The following STX18 variants were observed in gnomAD, a reference collection of about 807,000 sequenced individuals.
STX18 encodes syntaxin-18.
In STX18, 40 loss-of-function variants were observed where a neutral mutation model predicts 50.1. The ratio of observed to expected loss-of-function variants is 0.80; its 90% CI spans 0.62 to 1.04. The LOEUF is 1.04. STX18 is among the 50% of genes least tolerant of loss of function. STX18 has a pLI of 0.00. For synonymous variants in STX18, 158 were observed against 151.8 expected (o/e 1.04, Z -0.30); for missense variants, 410 against 415.8 (o/e 0.99, Z 0.12).
chr4:4,460,408 C>T (rs1179311869), intron 2 of STX18, among the ~76,000 whole-genome samples: 1 of 151,950 alleles, frequency 6.6e-6, no homozygotes, highest in Non-Finnish European at 1.5e-5. Context: ...CACCCCAAGA[C>T]AGGTAGGCAT....
chr4:4,514,995 C>T (rs1730183468), intron 1 of STX18, among the ~76,000 whole-genome samples: 1 of 152,092 alleles, frequency 6.6e-6, no homozygotes, highest in Non-Finnish European at 1.5e-5. Flanking sequence ...CCAAGTTTCA[C>T]AAGTAAATGT....
chr4:4,541,643 A>G (rs73793303), intron 1 of STX18, among the ~76,000 whole-genome samples, 154 bp downstream of exon 1: 6,733 of 150,728 alleles, frequency 0.045, 521 homozygotes, highest in African/African-American at 0.16. Flanking sequence ...CTTCCCCCAA[A>G]AAGCTGTAGG....
At chr4:4,442,776 A>C (rs1286897849) in intron 5 of STX18, among the ~76,000 whole-genome samples, 1 of 150,656 alleles carries the variant, frequency 6.6e-6, no homozygotes, top group Non-Finnish European at 1.5e-5. Flanking sequence ...TATGAACGTA[A>C]AACTGCTCTT....
At chr4:4,423,149 C>T (rs1035995570) in intron 9 of STX18, among the ~76,000 whole-genome samples, 3 of 152,216 alleles carry the variant, frequency 2.0e-5, no homozygotes, top group African/African-American at 7.2e-5. Context: ...CAGAGAATAA[C>T]CCTGCAGGAG....
chr4:4,494,259 T>C (rs1442875961), intron 1 of STX18, among the ~76,000 whole-genome samples: 1 of 152,228 alleles, frequency 6.6e-6, no homozygotes, highest in African/African-American at 2.4e-5. Context: ...GCTCACAGTG[T>C]ACCCTTGGTC....
At chr4:4,460,742 G>T (rs1186976745) in intron 2 of STX18, among the ~76,000 whole-genome samples, 1 of 152,142 alleles carries the variant, frequency 6.6e-6, no homozygotes, top group East Asian at 1.9e-4. Context: ...TTAGGATCTT[G>T]TTCTATTAGT....
chr4:4,464,896 C>T (rs987545170), intron 2 of STX18, among the ~76,000 whole-genome samples: 4 of 151,430 alleles, frequency 2.6e-5, no homozygotes, highest in South Asian at 2.1e-4. Flanking sequence ...TTGATTTTTT[C>T]GAAGCGTTTT....
At chr4:4,437,429 A>G (rs1346816176) in intron 6 of STX18, 1 of 164,226 alleles carries the variant, frequency 6.1e-6, no homozygotes, top group Non-Finnish European at 1.3e-5. Flanking sequence ...TGTGACACCC[A>G]AAGGAAATAC....
intron 1 of STX18, among the ~76,000 whole-genome samples, chr4:4,539,261 CT>C: frequency 6.6e-6 from 1 of 152,354 alleles, no homozygotes; most frequent in South Asian, 2.1e-4. Context: ...CATACTATAA[CT>C]TATTACATTT....
At chr4:4,478,307 C>T (rs1204671788) in intron 1 of STX18, among the ~76,000 whole-genome samples, 2 of 151,210 alleles carry the variant, frequency 1.3e-5, no homozygotes, top group Admixed American at 1.3e-4. Flanking sequence ...TGTTTTACGA[C>T]ATGGGGGGCT....
At chr4:4,482,966 C>T (rs759652796) in intron 1 of STX18, among the ~76,000 whole-genome samples, 6 of 152,138 alleles carry the variant, frequency 3.9e-5, no homozygotes, top group Admixed American at 6.5e-5. Context: ...ACTAATCTTA[C>T]GGGACTGCGG....
chr4:4,424,524 G>A (rs530794339), intron 8 of STX18, among the ~76,000 whole-genome samples: 7 of 152,274 alleles, frequency 4.6e-5, no homozygotes, highest in African/African-American at 1.4e-4. Flanking sequence ...GGCAGAAGGC[G>A]AAGAGCCCCT....
chr4:4,526,616 G>T (rs550365728), intron 1 of STX18, among the ~76,000 whole-genome samples: 2 of 152,318 alleles, frequency 1.3e-5, no homozygotes, highest in South Asian at 4.1e-4. Context: ...GAGTCAACGG[G>T]AAAGTATAGA....
At chr4:4,437,653 C>T (rs1725858325) in intron 6 of STX18, 2 of 984,830 alleles carry the variant, frequency 2.0e-6, no homozygotes, top group Admixed American at 6.1e-5. Context: ...TGCCATGAGA[C>T]TACGGAGAAG....
At chr4:4,489,701 C>T (rs1009738556) in intron 1 of STX18, among the ~76,000 whole-genome samples, 1 of 151,932 alleles carries the variant, frequency 6.6e-6, no homozygotes, top group Non-Finnish European at 1.5e-5. Context: ...GGCTCAACTG[C>T]TAAAAATGGA....
chr4:4,469,498 A>C (rs1273118815), intron 2 of STX18, among the ~76,000 whole-genome samples: 2 of 152,154 alleles, frequency 1.3e-5, no homozygotes, highest in Admixed American at 1.3e-4. Context: ...GAACCGGATG[A>C]CCAAAAATAG....
At chr4:4,492,234 T>C (rs1181467848) in intron 1 of STX18, among the ~76,000 whole-genome samples, 1 of 152,138 alleles carries the variant, frequency 6.6e-6, no homozygotes, top group East Asian at 1.9e-4. Flanking sequence ...ATGCTCTTTA[T>C]TTAATTAAAA....
Position 4,420,959 on chromosome 4 carries a change from A to G in STX18, c.832-15T>C. ...ATCTCAGCTTCCTGTGGAAGAAAAG[A>G]TAAATACAAGTTGAGTATCCTTTAT... is the stretch of plus-strand genomic sequence containing the variant. On this transcript the variant is annotated splice_polypyrimidine_tract_variant and intron_variant, in intron 9 of 10. Transcript: ENST00000306200. This position sits in a 1 kb window ranked among gnomAD's most constrained non-coding sequence, Gnocchi z 4.3. 2 of 1,613,518 alleles carry G rather than the reference A, an allele frequency of 1.2e-6. No homozygotes were observed. The highest frequency in any genetic ancestry group is 1.3e-5 in the African/African-American group (1 of 75,054).
chr4:4,443,229 G>A (rs945514501), intron 5 of STX18, among the ~76,000 whole-genome samples: 4 of 152,180 alleles, frequency 2.6e-5, no homozygotes, highest in Admixed American at 1.3e-4. Flanking sequence ...TAGCAATTTC[G>A]TAATTCAATT....
Sources: gnomAD v4.1 joint callset for allele counts (sites outside exome capture counted in the v4.1 genomes callset) on GRCh38, gnomAD v4.1.1 for gene constraint, Gnocchi (gnomAD v3.1) non-coding constraint, MANE v1.5 for transcripts, NCBI Gene and HGNC (gene_info 2026-07-23, HGNC 2026-07-21) for gene names.